Variants in EP400 observed in about 807,000 individuals in gnomAD.
The protein encoded by EP400 is E1A-binding protein p400.
A neutral mutation model predicts 354.1 loss-of-function variants in EP400; 105 were observed. The observed-to-expected ratio is 0.30, with a 90% CI of 0.25 to 0.35. EP400 has a LOEUF of 0.35. Ranked by LOEUF, EP400 falls within the 10% of genes least tolerant of loss-of-function variation. EP400 has a pLI of 1.00. For synonymous variants in EP400, 1,646 were observed against 1,716.9 expected, an observed-to-expected ratio of 0.96 and a Z score of 1.02; for missense variants, 3,280 against 4,121.0, an observed-to-expected ratio of 0.80 and a Z score of 5.59.
chr12:132,070,504 C>T lies in EP400; in HGVS notation c.9021+863C>T, dbSNP rs942605902. On this transcript the variant is annotated intron_variant, in intron 51 of 52. Coordinates refer to ENST00000389561, the MANE Select transcript of EP400 (RefSeq NM_015409.5). The surrounding 1 kb of genome is among the most constrained non-coding windows in gnomAD (Gnocchi z 4.1). ...GCAGTGACACTTGGTGTCTGGAGGGCGAGTCCCCCTACCACACCCTTCCTT... is the reference window on the plus strand; with the variant it reads ...GCAGTGACACTTGGTGTCTGGAGGGTGAGTCCCCCTACCACACCCTTCCTT... Among the ~76,000 whole-genome samples, 21 of 152,232 alleles carry T rather than the reference C, an allele frequency of 1.4e-4. No homozygotes were observed. Among genetic ancestry groups the T allele is most frequent in the South Asian group, 2.1e-4 (1 of 4,830 alleles).
In EP400 at chr12:132,044,682, C is replaced by T. The variant is rs145880769; in HGVS notation, c.6597C>T (p.Tyr2199=). 1.7e-5 allele frequency: 27 copies of T among 1,614,054 alleles called. No individual in the cohort carries two copies. The highest frequency in any genetic ancestry group is 1.6e-4 in the Middle Eastern group (1 of 6,080). Residue 2199 remains tyrosine (Y), a synonymous_variant, in exon 36 of 53, where the codon TAC becomes TAT. Transcript: ENST00000389561. ...REDAYSMEYV[Y]EDVDGQTEVM... ...CGTGTTCCCTACAGGAGTATGTCTA[C>T]GAAGATGTCGATGGGCAGACAGAAG...
Position 132,025,668 on chromosome 12 carries a change from C to G in EP400, c.4878C>G (p.Ser1626=), listed in dbSNP as rs147443434. The change falls in exon 25 of 53, where the codon TCC becomes TCG. Residue 1626 remains serine, a synonymous_variant. Coordinates refer to ENST00000389561, the MANE Select transcript of EP400 (RefSeq NM_015409.5). The surrounding 1 kb of genome is among the most constrained non-coding windows in gnomAD (Gnocchi z 4.1). The stretch of plus-strand genomic sequence containing the variant: ...CAGGCAGCGTCCTCCAGATCGTGTC[C>G]GCCCCCGGGCAGCCCTACCTTCGAG... ...QLQGSVLQIV[S]APGQPYLRAP... is the part of the protein sequence containing the mutation. The G allele has an allele frequency of 6.2e-7, 1 of 1,608,336 alleles. No homozygotes were observed. The highest frequency in any genetic ancestry group is 8.5e-7 in the Non-Finnish European group (1 of 1,177,658).
intron 15 of EP400, among the ~76,000 whole-genome samples, chr12:132,010,519 A>G (rs1893730606): frequency 6.6e-6 from 1 of 152,222 alleles, no homozygotes; most frequent in Non-Finnish European, 1.5e-5. Flanking sequence ...ATTAGCAGTA[A>G]TGGCCATAGA....
At chr12:132,016,734 A>AC (rs1230354923) in intron 19 of EP400, among the ~76,000 whole-genome samples, 1 of 151,876 alleles carries the variant, frequency 6.6e-6, no homozygotes, top group African/African-American at 2.4e-5. Flanking sequence ...ACTTGAGCTG[A>AC]CCCTTGAGCT....
Position 131,990,183 on chromosome 12 carries a change from G to T in EP400, c.2550+79G>T. On this transcript the variant is annotated intron_variant, in intron 8 of 52. Coordinates refer to ENST00000389561, the MANE Select transcript of EP400 (RefSeq NM_015409.5). The surrounding 1 kb of genome is among the most constrained non-coding windows in gnomAD (Gnocchi z 4.2). Reference sequence around the variant, plus strand: ...AGGCCACTTCCCGAGACCAGAGCTCGGGCACCTTGCTTAGGAAGCTTTCGA... The same window carrying T: ...AGGCCACTTCCCGAGACCAGAGCTCTGGCACCTTGCTTAGGAAGCTTTCGA... 6.6e-7 allele frequency: 1 copy of T among 1,513,274 alleles called. No individual in the cohort carries two copies. The allele number at this position is 1,513,274 out of a possible 1,614,324, so 93.7% of individuals were successfully genotyped here.
At chr12:132,043,249 A>G (rs1216000852) in intron 32 of EP400, 55 bp from the exon 33 acceptor site, 1 of 1,567,560 alleles carries the variant, frequency 6.4e-7, no homozygotes, top group South Asian at 1.2e-5. Context: ...CTCTTTTTCA[A>G]ACTACCCTCA....
intron 34 of EP400, 129 bp from the exon 35 acceptor site, chr12:132,044,048 A>T: frequency 7.7e-7 from 1 of 1,306,074 alleles, no homozygotes; most frequent in Non-Finnish European, 1.1e-6. Flanking sequence ...TGTGGGGGTG[A>T]TGCATTGTGG....
chr12:131,986,348 C>T (rs145651798), intron 5 of EP400, among the ~76,000 whole-genome samples, 166 bp from the exon 6 acceptor site: 5 of 152,324 alleles, frequency 3.3e-5, no homozygotes, highest in Admixed American at 6.5e-5. Flanking sequence ...TTTGTGGACA[C>T]GTTAGTGTTG....
chr12:132,075,190 AT>A lies in EP400; in HGVS notation c.9022-1325del, dbSNP rs1467489369. Among the ~76,000 whole-genome samples, 1 of 151,778 alleles carries A rather than the reference AT, an allele frequency of 6.6e-6. No individual in the cohort carries two copies. Among genetic ancestry groups the A allele is most frequent in the Non-Finnish European group, 1.5e-5 (1 of 67,958 alleles). On this transcript the variant is annotated intron_variant, in intron 51 of 52. Transcript: ENST00000389561. The surrounding 1 kb of genome is among the most constrained non-coding windows in gnomAD (Gnocchi z 4.5). ...TGTGGGTACAGTGTCTCCCTCCAGG[AT>A]GGCAGCTGGCAGTAGCACGGGGCTC...
intron 2 of EP400, among the ~76,000 whole-genome samples, chr12:131,964,890 T>C (rs1892025441): frequency 6.6e-6 from 1 of 152,264 alleles, no homozygotes; most frequent in South Asian, 2.1e-4. Context: ...GTCTCAAGGA[T>C]GTCCTTCATA....
chr12:132,006,928 A>G (rs946896811), intron 15 of EP400, 51 bp downstream of exon 15: 31 of 1,602,528 alleles, frequency 1.9e-5, no homozygotes, highest in African/African-American at 6.7e-5. Context: ...GGACTTACCT[A>G]TAGGCCAGTG....
rs1555221011 is a variant in EP400 at position 132,027,426 on chromosome 12, T to C, written c.5015-11T>C. The C allele has an allele frequency of 1.2e-5, 20 of 1,614,030 alleles. No homozygotes were observed. Among genetic ancestry groups the C allele is most frequent in the Non-Finnish European group, 1.6e-5 (19 of 1,179,996 alleles). On this transcript the variant is annotated splice_polypyrimidine_tract_variant and intron_variant, in intron 25 of 52. Transcript: ENST00000389561. This position sits in a 1 kb window ranked among gnomAD's most constrained non-coding sequence, Gnocchi z 4.9. ...GCGTTCCTTTTCACCTCTTCCTTTA[T>C]GCATTTGTAGTTGGCGTTCCGGGCC...
chr12:132,064,789 C>T lies in EP400; in HGVS notation c.8456C>T (p.Pro2819Leu), dbSNP rs202177296. 2.6e-5 allele frequency: 42 copies of T among 1,612,908 alleles called. 1 individual carries two copies. The highest frequency in any genetic ancestry group is 2.0e-4 in the East Asian group (9 of 44,886). The change falls in exon 48 of 53, where the codon CCG (proline) becomes CTG (leucine). Residue 2819 changes from proline to leucine, a missense_variant. Around this residue, in one of 20 missense-constraint regions of EP400, gnomAD observed 86 missense variants for 66.4 expected, o/e 1.29. Coordinates refer to ENST00000389561, the MANE Select transcript of EP400 (RefSeq NM_015409.5). ...AQVQVQTSQPPQQQSPQLTTV... is the reference protein window; with the variant it reads ...AQVQVQTSQPLQQQSPQLTTV... ...GTGCAAGTGCAGACCTCGCAGCCGC[C>T]GCAGCAGCAGAGCCCCCAGCTCACG...
At chr12:131,963,472 A>G in intron 2 of EP400, 1 of 1,315,604 alleles carries the variant, frequency 7.6e-7, no homozygotes, top group Non-Finnish European at 1.1e-6. Flanking sequence ...AAATTCTAAC[A>G]AAATTTTGAG....
intron 2 of EP400, among the ~76,000 whole-genome samples, chr12:131,974,699 C>G (rs1238658662): frequency 6.6e-6 from 1 of 151,936 alleles, no homozygotes; most frequent in Non-Finnish European, 1.5e-5. Context: ...TGATCAAAAT[C>G]AAGGTTGCAT....
intron 51 of EP400, among the ~76,000 whole-genome samples, chr12:132,073,806 T>C (rs1159545777): frequency 1.3e-5 from 2 of 152,110 alleles, no homozygotes. Context: ...TTCCTTCCAC[T>C]TGACCCATCC....
rs781003206 is a variant in EP400, at chr12:131,991,461, GTT to G, written c.2679+7_2679+8del. On this transcript the variant is annotated splice_donor_region_variant and intron_variant, in intron 10 of 52. Transcript: ENST00000389561. ...GCATTACAGGAAAGTTCTCTGGTAA[GTT>G]TGGGGTTGTTACTGTGCTGTGTGAG... 3.1e-6 allele frequency: 5 copies of G among 1,613,654 alleles called. No individual in the cohort carries two copies. In the Admixed American group the frequency reaches 8.3e-5, roughly 27 times the overall value.
chr12:131,997,275 C>CTT (rs1337353932), intron 12 of EP400, among the ~76,000 whole-genome samples: 1 of 144,450 alleles, frequency 6.9e-6, no homozygotes, highest in Non-Finnish European at 1.5e-5. Flanking sequence ...TTTTCTTTTT[C>CTT]TTTTTTTTTT....
rs777846771 is a variant in EP400 at position 132,029,781 on chromosome 12, G to A, written c.5462G>A (p.Arg1821Lys). The A allele has an allele frequency of 6.2e-7, 1 of 1,613,708 alleles. No homozygotes were observed. The highest frequency in any genetic ancestry group is 1.1e-5 in the South Asian group (1 of 91,088). ...CGGCCGCCACCCCTGTACAGCCACA[G>A]AATGAGGATCTTGAGGCAGGGCCTG... ...VPRPPPLYSHRMRILRQGLRE... is the reference protein window; with the variant it reads ...VPRPPPLYSHKMRILRQGLRE... Residue 1821 changes from arginine to lysine, a missense_variant, in exon 28 of 53, where the codon AGA becomes AAA. Arg to Lys is a conservative substitution (Grantham distance 26). Transcript: ENST00000389561. The surrounding 1 kb of genome is among the most constrained non-coding windows in gnomAD (Gnocchi z 4.7).
Sources: gnomAD v4.1 joint callset for allele counts (sites outside exome capture counted in the v4.1 genomes callset) on GRCh38, gnomAD v4.1.1 for gene constraint, gnomAD v4.1.1 regional missense constraint, Gnocchi (gnomAD v3.1) non-coding constraint, MANE v1.5 for transcripts, NCBI Gene and HGNC (gene_info 2026-07-23, HGNC 2026-07-21) for gene names.